The following DIS3L2 variants were observed in gnomAD, a reference collection of about 807,000 sequenced individuals.
DIS3L2 encodes DIS3 like 3'-5' exoribonuclease 2.
DIS3L2 carries 34 observed loss-of-function variants against 97.5 expected under a neutral mutation model. That is an observed-to-expected ratio of 0.35 (90% CI 0.27 to 0.46). The LOEUF is 0.46. Ranked by LOEUF, DIS3L2 falls within the 20% of genes least tolerant of loss-of-function variation. DIS3L2 has a pLI of 1.00. For missense variants in DIS3L2, 1,038 were observed against 1,146.0 expected, an observed-to-expected ratio of 0.91 and a Z score of 1.36; for synonymous variants, 435 against 445.2, an observed-to-expected ratio of 0.98 and a Z score of 0.29.
At chr2:232,299,841 G>A (rs1694811705) in intron 13 of DIS3L2, among the ~76,000 whole-genome samples, 199 bp from the exon 14 acceptor site, 1 of 152,230 alleles carries the variant, frequency 6.6e-6, no homozygotes, top group African/African-American at 2.4e-5. Flanking sequence ...TGAACAAGTA[G>A]AGTCTTGCTG....
chr2:232,327,068 T>C (rs928126925), intron 14 of DIS3L2, among the ~76,000 whole-genome samples: 3 of 152,108 alleles, frequency 2.0e-5, no homozygotes, highest in Non-Finnish European at 4.4e-5. Context: ...TGAGAAGGGA[T>C]GTGGAGAGCG....
chr2:232,223,674 G>A (rs1375140748), intron 10 of DIS3L2, among the ~76,000 whole-genome samples: 22 of 152,222 alleles, frequency 1.4e-4, no homozygotes, highest in Admixed American at 6.5e-5. Context: ...CATCAAGGGG[G>A]ATAATAATAT....
intron 8 of DIS3L2, among the ~76,000 whole-genome samples, chr2:232,141,951 G>GA (rs1398904063): frequency 1.3e-5 from 2 of 152,078 alleles, no homozygotes; most frequent in Non-Finnish European, 2.9e-5. Flanking sequence ...TAGATTGATA[G>GA]AAAAAACAAA....
intron 11 of DIS3L2, among the ~76,000 whole-genome samples, chr2:232,239,787 G>A (rs370448537): frequency 1.3e-5 from 2 of 152,240 alleles, no homozygotes; most frequent in East Asian, 3.8e-4. Context: ...TGGAGCAAAA[G>A]CTATCCAGGA....
At chr2:231,976,235 C>G (rs1285457649) in intron 1 of DIS3L2, among the ~76,000 whole-genome samples, 1 of 152,092 alleles carries the variant, frequency 6.6e-6, no homozygotes. Flanking sequence ...TGCTTCTGAT[C>G]CAGGGAAGGT....
At chr2:232,331,813 A>G (rs1399663228) in intron 16 of DIS3L2, 1 of 152,178 alleles carries the variant, frequency 6.6e-6, no homozygotes, top group Non-Finnish European at 1.5e-5. Flanking sequence ...AGCTCCAGAG[A>G]TCGGAGCCGC....
At chr2:232,221,858 G>A (rs1692517022) in intron 10 of DIS3L2, among the ~76,000 whole-genome samples, 1 of 152,110 alleles carries the variant, frequency 6.6e-6, no homozygotes, top group Non-Finnish European at 1.5e-5. Context: ...ATACATTTCT[G>A]GGTTTTGTCT....
intron 20 of DIS3L2, 173 bp from the exon 21 acceptor site, chr2:232,336,296 C>T: frequency 6.5e-7 from 1 of 1,547,270 alleles, no homozygotes. Flanking sequence ...CTCCCCAACT[C>T]TGCCCTGACC....
chr2:232,024,445 A>G, intron 4 of DIS3L2, 115 bp downstream of exon 4: 1 of 785,006 alleles, frequency 1.3e-6, no homozygotes, highest in Non-Finnish European at 2.1e-6. Flanking sequence ...AAAATTGACG[A>G]TGGGCAAAGA....
chr2:232,336,523 C>T lies in DIS3L2; in HGVS notation c.2551C>T (p.Leu851Phe), dbSNP rs1060503033. The change falls in exon 21 of 21, where the codon CTC becomes TTC. Residue 851 changes from leucine (L) to phenylalanine (F), a missense_variant. Leu to Phe is a conservative substitution (Grantham distance 22). Transcript: ENST00000325385. ...EVVLQAESTA[L>F]KYSAILKRPG... The stretch of plus-strand genomic sequence containing the variant: ...GGTCCTGCAGGCAGAGTCCACAGCC[C>T]TCAAGTACAGCGCCATCCTGAAGCG... The T allele has an allele frequency of 1.2e-6, 2 of 1,611,056 alleles. No homozygotes were observed. The highest frequency in any genetic ancestry group is 1.7e-6 in the Non-Finnish European group (2 of 1,179,938).
At chr2:232,030,904 T>C (rs916129838) in intron 5 of DIS3L2, among the ~76,000 whole-genome samples, 2 of 152,206 alleles carry the variant, frequency 1.3e-5, no homozygotes, top group Non-Finnish European at 2.9e-5. Context: ...TTGTTTTATT[T>C]GGCTTTTTTG....
chr2:232,275,935 T>G (rs1386114230), intron 13 of DIS3L2, among the ~76,000 whole-genome samples: 1 of 152,218 alleles, frequency 6.6e-6, no homozygotes, highest in Admixed American at 6.5e-5. Flanking sequence ...AGGGGCCACT[T>G]TCAAAGTCAG....
intron 11 of DIS3L2, among the ~76,000 whole-genome samples, chr2:232,244,240 GGA>G (rs1309114062): frequency 6.6e-6 from 1 of 152,148 alleles, no homozygotes; most frequent in Non-Finnish European, 1.5e-5. Flanking sequence ...GATGTAGAAG[GGA>G]GAGAGAGGAG....
chr2:232,020,178 T>C (rs1694473064), intron 3 of DIS3L2, among the ~76,000 whole-genome samples: 1 of 152,156 alleles, frequency 6.6e-6, no homozygotes, highest in Non-Finnish European at 1.5e-5. Flanking sequence ...CTCTAGGCTA[T>C]GCTGGAGAAT....
At chr2:231,967,524 A>G (rs1692757694) in intron 1 of DIS3L2, among the ~76,000 whole-genome samples, 1 of 152,222 alleles carries the variant, frequency 6.6e-6, no homozygotes, top group African/African-American at 2.4e-5. Flanking sequence ...GTTGAATGCA[A>G]AACTCTAGCA....
intron 9 of DIS3L2, among the ~76,000 whole-genome samples, chr2:232,205,197 T>C (rs1466724583): frequency 1.5e-5 from 2 of 129,068 alleles, no homozygotes; most frequent in Non-Finnish European, 3.1e-5. Context: ...CCAAAAATAT[T>C]TGAAGGCAGT....
chr2:232,307,120 T>G (rs900277298), intron 14 of DIS3L2, among the ~76,000 whole-genome samples: 2 of 152,266 alleles, frequency 1.3e-5, no homozygotes, highest in African/African-American at 4.8e-5. Flanking sequence ...CCATGTCAGC[T>G]CTTAGCACTG....
intron 14 of DIS3L2, among the ~76,000 whole-genome samples, chr2:232,326,017 G>A (rs528041912): frequency 5.9e-5 from 9 of 152,282 alleles, no homozygotes; most frequent in South Asian, 4.1e-4. Context: ...GCTTGGGGGC[G>A]TTTCGGAGGT....
chr2:232,169,332 G>A (rs907372130), intron 9 of DIS3L2, among the ~76,000 whole-genome samples: 1 of 151,894 alleles, frequency 6.6e-6, no homozygotes, highest in Non-Finnish European at 1.5e-5. Flanking sequence ...TGTCATATAT[G>A]CCGTATATGT....
Sources: allele counts gnomAD v4.1 joint callset (sites outside exome capture counted in the v4.1 genomes callset), GRCh38; gene constraint gnomAD v4.1.1; transcripts MANE v1.5; gene names NCBI Gene and HGNC (gene_info 2026-07-23, HGNC 2026-07-21).